Variants in NECAB2 observed in about 807,000 individuals in gnomAD.
NECAB2 encodes N-terminal EF-hand calcium binding protein 2, also known as N-terminal EF-hand calcium-binding protein 2.
Under a neutral mutation model 51.9 loss-of-function variants are expected in NECAB2, and 68 were observed. The ratio of observed to expected loss-of-function variants is 1.31; its 90% CI spans 1.08 to 1.60. NECAB2 has a LOEUF of 1.60. NECAB2 is among the 40% of genes most tolerant of loss of function. NECAB2 has a pLI of 0.00. For synonymous variants in NECAB2, 329 were observed against 203.5 expected (o/e 1.62, Z -5.25); for missense variants, 854 against 490.3 (o/e 1.74, Z -7.00).
chr16:83,997,311 C>G (rs1214592404), intron 9 of NECAB2, 42 bp downstream of exon 9: 2 of 1,612,662 alleles, frequency 1.2e-6, no homozygotes, highest in Admixed American at 3.3e-5. Flanking sequence ...CACATCCCTA[C>G]CCATGCCAGG....
At chr16:83,966,388 A>G (rs1459110458), upstream of NECAB2, 2 of 243,428 alleles carry the variant, frequency 8.2e-6, no homozygotes, top group Non-Finnish European at 7.9e-6. Context: ...GGAACCCTGC[A>G]CTGGGCTGGG....
chr16:83,977,148 C>A (rs1283709808), intron 2 of NECAB2, among the ~76,000 whole-genome samples: 1 of 152,218 alleles, frequency 6.6e-6, no homozygotes, highest in East Asian at 1.9e-4. Context: ...GGGCCCTTGT[C>A]CCAAGCACCC....
chr16:83,995,516 AATT>A (rs1454045750), intron 8 of NECAB2, among the ~76,000 whole-genome samples: 3 of 152,276 alleles, frequency 2.0e-5, no homozygotes, highest in South Asian at 4.1e-4. Context: ...CAATGTTAGC[AATT>A]ATTATGAGGC....
chr16:83,970,770 C>T (rs1465351038), intron 1 of NECAB2, among the ~76,000 whole-genome samples: 2 of 152,140 alleles, frequency 1.3e-5, no homozygotes, highest in Admixed American at 6.5e-5. Flanking sequence ...TGGGGGCCAC[C>T]GCAGAAGCTG....
chr16:83,968,562 G>A lies in NECAB2; in HGVS notation c.-87G>A, dbSNP rs1177533943. 12 of 942,842 alleles carry A rather than the reference G, an allele frequency of 1.3e-5. No homozygotes were observed. Among genetic ancestry groups the A allele is most frequent in the Middle Eastern group, 1.1e-3 (2 of 1,854 alleles). The allele number at this position is 942,842 out of a possible 1,614,324, so 58.4% of individuals were successfully genotyped here. A position where few individuals can be genotyped will look rare whatever the true frequency, so the allele number is the denominator to read the frequency against. ...CGGGAGAGAGGGCGGGGCGGCGCGG[G>A]CAGCGCGGGGAGGGGGTCGCGCGGG... is the stretch of plus-strand genomic sequence containing the variant. On this transcript the variant is annotated 5_prime_UTR_variant, in exon 1 of 13. Coordinates refer to ENST00000305202, the MANE Select transcript of NECAB2 (RefSeq NM_019065.3).
intron 10 of NECAB2, among the ~76,000 whole-genome samples, chr16:83,998,712 C>G (rs1450150394): frequency 3.9e-5 from 6 of 152,160 alleles, no homozygotes; most frequent in Non-Finnish European, 8.8e-5. Context: ...AAGTCCAGGC[C>G]CAGAATGTAG....
chr16:83,979,929 G>A (rs1242197093), intron 3 of NECAB2, among the ~76,000 whole-genome samples: 2 of 152,174 alleles, frequency 1.3e-5, no homozygotes, highest in Non-Finnish European at 2.9e-5. Context: ...TGTGAAACAT[G>A]AATTAAAGCA....
At position 83,968,883 on chromosome 16, in the gene NECAB2, C is replaced by A. The variant is rs771520508; in HGVS notation, c.201+34C>A. 51 of 1,095,308 alleles carry A rather than the reference C, an allele frequency of 4.7e-5. No individual in the cohort carries two copies. The East Asian group carries it at 2.5e-3, about 54-fold the overall frequency. 67.8% of individuals were successfully genotyped at this position (1,095,308 alleles called of 1,614,324 possible). A position where few individuals can be genotyped will look rare whatever the true frequency, so the allele number is the denominator to read the frequency against. On this transcript the variant is annotated intron_variant, in intron 1 of 12. Transcript: ENST00000305202. ...GCGCCGGCCGGGACCCCCGCCGTGG[C>A]CTCCGCTGGGACCCGGAGCCCCCTC...
At chr16:83,990,391 C>G (rs1302966205) in intron 5 of NECAB2, 103 bp from the exon 6 acceptor site, 27 of 1,471,968 alleles carry the variant, frequency 1.8e-5, no homozygotes, top group Non-Finnish European at 2.1e-5. Context: ...CTTTGCAAAG[C>G]AAATTCACCA....
At chr16:83,993,808 A>G (rs193111978) in intron 6 of NECAB2, among the ~76,000 whole-genome samples, 1 of 152,242 alleles carries the variant, frequency 6.6e-6, no homozygotes, top group East Asian at 1.9e-4. Flanking sequence ...GTCCTGTTAC[A>G]TCCCGACTGT....
In NECAB2 at chr16:83,982,511, C is replaced by A. The variant is rs1309037505; in HGVS notation, c.459+1384C>A. Among the ~76,000 whole-genome samples, 4 of 152,310 alleles carry A rather than the reference C, an allele frequency of 2.6e-5. No individual in the cohort carries two copies. In the East Asian group the frequency reaches 7.7e-4, roughly 29 times the overall value. On this transcript the variant is annotated intron_variant, in intron 5 of 12. Coordinates refer to ENST00000305202, the MANE Select transcript of NECAB2 (RefSeq NM_019065.3). The stretch of plus-strand genomic sequence containing the variant: ...GACAAGGGTGGCAATGCCAGCTCTG[C>A]TCCAAACAGGCTGTGTGAGGTCACC...
chr16:83,988,801 G>A (rs2084586618), intron 5 of NECAB2, among the ~76,000 whole-genome samples: 1 of 151,328 alleles, frequency 6.6e-6, no homozygotes, highest in Non-Finnish European at 1.5e-5. Flanking sequence ...GGAGTCTGTG[G>A]AGCTGGTCTC....
intron 12 of NECAB2, 27 bp from the exon 13 acceptor site, chr16:84,002,291 C>G (rs372158676): frequency 6.2e-7 from 1 of 1,613,502 alleles, no homozygotes; most frequent in Admixed American, 1.7e-5. Flanking sequence ...CGCACTCCTT[C>G]CCTCTAACGT....
In NECAB2 at chr16:83,972,156, C is replaced by A. The variant is rs369163792; in HGVS notation, c.207C>A (p.Phe69Leu). The A allele has an allele frequency of 6.2e-7, 1 of 1,613,454 alleles. No individual in the cohort carries two copies. The highest frequency in any genetic ancestry group is 8.5e-7 in the Non-Finnish European group (1 of 1,180,030). The change falls in exon 2 of 13, where the codon TTC (phenylalanine) becomes TTA (leucine). Residue 69 changes from phenylalanine to leucine, a missense_variant. By Grantham distance (22) the Phe-to-Leu change is conservative. Transcript: ENST00000305202. ...TCCGCCTCTCTTTTCTGCAGATTTT[C>A]CGCCGTGCGGACAAAAATGGTGAGT... is the stretch of plus-strand genomic sequence containing the variant. Reference protein sequence around the residue: ...RGGTAVILDIFRRADKNDDGK... With the variant: ...RGGTAVILDILRRADKNDDGK...
At chr16:84,002,282 G>A (rs370431890) in intron 12 of NECAB2, 36 bp from the exon 13 acceptor site, 45 of 1,612,538 alleles carry the variant, frequency 2.8e-5, no homozygotes, top group East Asian at 4.5e-5. Flanking sequence ...GCCCACATTC[G>A]CACTCCTTCC....
chr16:83,992,013 C>A (rs913269211), intron 6 of NECAB2, among the ~76,000 whole-genome samples: 1 of 152,130 alleles, frequency 6.6e-6, no homozygotes, highest in Non-Finnish European at 1.5e-5. Context: ...ACTGCACTCT[C>A]GGCATCACAT....
At position 83,968,638 on chromosome 16, in the gene NECAB2, G is replaced by A. The variant is rs1000444794; in HGVS notation, c.-11G>A. 2.0e-6 allele frequency: 2 copies of A among 979,786 alleles called. No homozygotes were observed. Among genetic ancestry groups the A allele is most frequent in the Admixed American group, 6.4e-5 (1 of 15,678 alleles). The allele number at this position is 979,786 out of a possible 1,614,324, so 60.7% of individuals were successfully genotyped here. ...GGCGGGCTTCCGGGCGGCGGCGGCG[G>A]GCGCGGCGCGATGTGCGAGCGGGCG... On this transcript the variant is annotated 5_prime_UTR_variant, in exon 1 of 13. Coordinates refer to ENST00000305202, the MANE Select transcript of NECAB2 (RefSeq NM_019065.3).
At position 84,002,399 on chromosome 16, in the gene NECAB2, G is replaced by A. The variant is rs529072530; in HGVS notation, c.*53G>A. 5 of 1,567,440 alleles carry A rather than the reference G, an allele frequency of 3.2e-6. No homozygotes were observed. Among genetic ancestry groups the A allele is most frequent in the Non-Finnish European group, 4.3e-6 (5 of 1,157,372 alleles). On this transcript the variant is annotated 3_prime_UTR_variant, in exon 13 of 13. Coordinates refer to ENST00000305202, the MANE Select transcript of NECAB2 (RefSeq NM_019065.3). ...CCACCAGCCCCTTCTTCTTGTGAAG[G>A]AAATCCCGTTTTTTTCTAGACAGAC...
chr16:84,000,911 C>A, intron 11 of NECAB2, 110 bp downstream of exon 11: 1 of 1,084,652 alleles, frequency 9.2e-7, no homozygotes, highest in Non-Finnish European at 1.4e-6. Context: ...GTCCAGTCAG[C>A]AGATTCCCGA....
Sources: gnomAD v4.1 joint callset for allele counts (sites outside exome capture counted in the v4.1 genomes callset) on GRCh38, gnomAD v4.1.1 for gene constraint, MANE v1.5 for transcripts, NCBI Gene and HGNC (gene_info 2026-07-23, HGNC 2026-07-21) for gene names.